The following DSCAM variants were observed in gnomAD, a reference collection of about 807,000 sequenced individuals.
DSCAM encodes the protein cell adhesion molecule DSCAM.
DSCAM carries 47 observed loss-of-function variants against 217.7 expected under a neutral mutation model. That is an observed-to-expected ratio of 0.22 (90% confidence interval 0.17 to 0.28). The LOEUF (loss-of-function observed/expected upper bound fraction) is 0.28. Among genes scored for constraint, DSCAM ranks in the 10% least tolerant of loss-of-function variants. The pLI, the probability that DSCAM is intolerant of heterozygous loss-of-function variation, is 1.00. For synonymous variants in DSCAM, 1,056 were observed against 1,015.3 expected (o/e 1.04, Z -0.76); for missense variants, 2,080 against 2,618.3 (o/e 0.79, Z 4.49).
At chr21:40,184,456 G>A (rs1018078071) in intron 14 of DSCAM, among the ~76,000 whole-genome samples, 1 of 152,016 alleles carries the variant, frequency 6.6e-6, no homozygotes, top group East Asian at 1.9e-4. Flanking sequence ...TGGGACCCAT[G>A]CTGCCCCTTA....
intron 11 of DSCAM, among the ~76,000 whole-genome samples, chr21:40,259,295 A>C (rs1381820879): frequency 6.7e-6 from 1 of 150,346 alleles, no homozygotes; most frequent in South Asian, 2.1e-4. Flanking sequence ...TTTTTACCCC[A>C]GCAGTGTCAT....
intron 8 of DSCAM, among the ~76,000 whole-genome samples, chr21:40,316,499 C>A (rs1204382103): frequency 6.6e-6 from 1 of 152,190 alleles, no homozygotes; most frequent in East Asian, 1.9e-4. Flanking sequence ...AAACTCTTCT[C>A]ATGATTTTGG....
chr21:40,585,743 T>C (rs2076941623), intron 3 of DSCAM, among the ~76,000 whole-genome samples: 1 of 152,178 alleles, frequency 6.6e-6, no homozygotes, highest in Admixed American at 6.5e-5. Context: ...CCCTCATGAA[T>C]GGCTTGGTGG....
intron 3 of DSCAM, among the ~76,000 whole-genome samples, chr21:40,479,485 T>C (rs2075964018): frequency 6.6e-6 from 1 of 152,234 alleles, no homozygotes; most frequent in South Asian, 2.1e-4. Context: ...AGAGTTTTAA[T>C]TGACTCAGTT....
At chr21:40,523,634 T>C (rs1429440221) in intron 3 of DSCAM, among the ~76,000 whole-genome samples, 1 of 152,140 alleles carries the variant, frequency 6.6e-6, no homozygotes, top group Non-Finnish European at 1.5e-5. Flanking sequence ...AACCTTGCAC[T>C]CATTCTCCAA....
intron 3 of DSCAM, among the ~76,000 whole-genome samples, chr21:40,667,877 T>TA (rs750680631): frequency 6.6e-6 from 1 of 152,220 alleles, no homozygotes; most frequent in Non-Finnish European, 1.5e-5. Flanking sequence ...CATTTCTTCA[T>TA]AACAGTGTGA....
At chr21:40,737,738 G>A (rs559520695) in intron 1 of DSCAM, among the ~76,000 whole-genome samples, 2 of 152,304 alleles carry the variant, frequency 1.3e-5, no homozygotes, top group African/African-American at 2.4e-5. Flanking sequence ...CACAATCTCC[G>A]CAGGCAGAAA....
intron 3 of DSCAM, among the ~76,000 whole-genome samples, chr21:40,587,490 A>G (rs890906432): frequency 6.6e-6 from 1 of 152,232 alleles, no homozygotes; most frequent in African/African-American, 2.4e-5. Flanking sequence ...GCATTACCAA[A>G]TAAGTGGGAA....
chr21:40,095,499 A>T (rs1287182275), intron 20 of DSCAM, among the ~76,000 whole-genome samples: 5 of 152,228 alleles, frequency 3.3e-5, no homozygotes, highest in Admixed American at 3.3e-4. Flanking sequence ...GAATAGGCAG[A>T]TCGATGGCAA....
At chr21:40,571,685 A>G (rs1036972929) in intron 3 of DSCAM, among the ~76,000 whole-genome samples, 4 of 152,256 alleles carry the variant, frequency 2.6e-5, no homozygotes, top group African/African-American at 7.2e-5. Flanking sequence ...GTATACAGAC[A>G]TACATGTTGC....
At chr21:40,031,110 T>C (rs73360100) in intron 32 of DSCAM, among the ~76,000 whole-genome samples, 29,202 of 151,986 alleles carry the variant, frequency 0.19, 3,057 homozygotes, top group Middle Eastern at 0.25. Context: ...CTGAGCCCCT[T>C]AAAAGGCTCA....
intron 18 of DSCAM, among the ~76,000 whole-genome samples, chr21:40,140,298 G>A (rs1003042837): frequency 1.3e-5 from 2 of 152,160 alleles, no homozygotes; most frequent in Admixed American, 6.5e-5. Context: ...AATCCCATGA[G>A]TGAAAGTATC....
intron 6 of DSCAM, among the ~76,000 whole-genome samples, chr21:40,345,600 T>C (rs1339723257): frequency 6.6e-6 from 1 of 152,230 alleles, no homozygotes; most frequent in Non-Finnish European, 1.5e-5. Context: ...TCATAGGAAA[T>C]ATTCTCAGAT....
At chr21:40,443,799 A>G (rs1327049959) in intron 3 of DSCAM, among the ~76,000 whole-genome samples, 1 of 152,178 alleles carries the variant, frequency 6.6e-6, no homozygotes, top group African/African-American at 2.4e-5. Context: ...ATTACAAGTG[A>G]CATGAAATGA....
intron 10 of DSCAM, among the ~76,000 whole-genome samples, chr21:40,278,933 C>G (rs1455334416): frequency 6.6e-6 from 1 of 152,134 alleles, no homozygotes; most frequent in Non-Finnish European, 1.5e-5. Context: ...TTTCTGATAT[C>G]TGTTTTAAAG....
chr21:40,259,425 T>C (rs2073418079), intron 11 of DSCAM, among the ~76,000 whole-genome samples: 1 of 151,884 alleles, frequency 6.6e-6, no homozygotes, highest in Non-Finnish European at 1.5e-5. Flanking sequence ...TCTGAGCAAA[T>C]ACAGAAGCTA....
At chr21:40,074,944 C>A in intron 27 of DSCAM, 93 bp downstream of exon 27, 1 of 1,365,700 alleles carries the variant, frequency 7.3e-7, no homozygotes, top group East Asian at 2.5e-5. Context: ...AAGAGTCACT[C>A]CCTTTTGAGG....
At position 40,376,395 on chromosome 21, in the gene DSCAM, T is replaced by C. The variant is rs576993292; in HGVS notation, c.509-7150A>G. Among the ~76,000 whole-genome samples, 6 of 148,302 alleles carry C rather than the reference T, an allele frequency of 4.0e-5. No individual in the cohort carries two copies. In the South Asian group the frequency reaches 6.3e-4, roughly 16 times the overall value. On this transcript the variant is annotated intron_variant, in intron 3 of 32. Transcript: ENST00000400454. ...AAAATAGAAGTGGAAATAGAAGATA[T>C]ATATATATCTATATCATATATATCT... is the stretch of plus-strand genomic sequence containing the variant.
At chr21:40,178,867 A>C in intron 15 of DSCAM, 60 bp downstream of exon 15, 1 of 1,603,510 alleles carries the variant, frequency 6.2e-7, no homozygotes, top group Non-Finnish European at 8.5e-7. Flanking sequence ...TAAGCATCTG[A>C]GCCCTCAAGA....
Sources: allele counts gnomAD v4.1 joint callset (sites outside exome capture counted in the v4.1 genomes callset), GRCh38; gene constraint gnomAD v4.1.1; transcripts MANE v1.5; gene names NCBI Gene and HGNC (gene_info 2026-07-23, HGNC 2026-07-21).